The following PCDH9 variants were observed in gnomAD, a reference collection of about 807,000 sequenced individuals.
PCDH9 encodes protocadherin 9.
Under a neutral mutation model 70.6 loss-of-function variants are expected in PCDH9, and 24 were observed. That is an observed-to-expected ratio of 0.34 (90% CI 0.25 to 0.48). The LOEUF is 0.48. Ranked by LOEUF, PCDH9 falls within the 20% of genes least tolerant of loss-of-function variation. The probability of loss-of-function intolerance (pLI) is 0.99; values close to 1 mark genes in which losing one functional copy is unlikely to be tolerated. For synonymous variants in PCDH9, 562 were observed against 558.5 expected (o/e 1.01, Z -0.09); for missense variants, 1,281 against 1,503.6 (o/e 0.85, Z 2.45).
chr13:67,134,481 G>C (rs115764502), intron 2 of PCDH9, among the ~76,000 whole-genome samples: 79 of 152,174 alleles, frequency 5.2e-4, no homozygotes, highest in African/African-American at 1.8e-3. Context: ...ACGCAGCATT[G>C]AGATGACCCT....
At chr13:66,901,160 T>G (rs1269702051) in intron 3 of PCDH9, among the ~76,000 whole-genome samples, 1 of 151,766 alleles carries the variant, frequency 6.6e-6, no homozygotes, top group African/African-American at 2.4e-5. Context: ...TCTTCAAGTT[T>G]TATTTTATAA....
At chr13:67,004,420 A>T (rs988459894) in intron 2 of PCDH9, among the ~76,000 whole-genome samples, 2 of 151,904 alleles carry the variant, frequency 1.3e-5, no homozygotes, top group African/African-American at 4.8e-5. Context: ...AAAATCCAAA[A>T]ATTAGCCAGG....
intron 2 of PCDH9, among the ~76,000 whole-genome samples, chr13:67,052,217 A>T (rs1211099718): frequency 6.6e-6 from 1 of 152,162 alleles, no homozygotes; most frequent in Non-Finnish European, 1.5e-5. Flanking sequence ...TACAGTATAT[A>T]TAGCCAGGGG....
chr13:66,958,759 G>A (rs1271294003), intron 2 of PCDH9, among the ~76,000 whole-genome samples: 1 of 152,086 alleles, frequency 6.6e-6, no homozygotes, highest in African/African-American at 2.4e-5. Flanking sequence ...TTTAAGCTAA[G>A]TTAAACATAA....
At chr13:67,132,792 A>G (rs1357206003) in intron 2 of PCDH9, among the ~76,000 whole-genome samples, 3 of 152,102 alleles carry the variant, frequency 2.0e-5, no homozygotes, top group Non-Finnish European at 4.4e-5. Context: ...AATAAAATTC[A>G]AGAATTCAAT....
At chr13:66,696,225 C>A (rs372364279) in intron 3 of PCDH9, among the ~76,000 whole-genome samples, 2 of 152,118 alleles carry the variant, frequency 1.3e-5, no homozygotes, top group East Asian at 3.9e-4. Context: ...GGCTGTATCA[C>A]ACTAAAAAAA....
At chr13:66,823,577 T>A (rs940424085) in intron 3 of PCDH9, among the ~76,000 whole-genome samples, 4 of 152,034 alleles carry the variant, frequency 2.6e-5, no homozygotes, top group Non-Finnish European at 5.9e-5. Context: ...AAGATGATAA[T>A]TTGCAAATGG....
intron 3 of PCDH9, among the ~76,000 whole-genome samples, chr13:66,634,400 A>G (rs1245281659): frequency 1.3e-5 from 2 of 152,220 alleles, no homozygotes; most frequent in African/African-American, 4.8e-5. Context: ...GAACTGAATA[A>G]ATTGACATGC....
At chr13:66,817,568 A>C (rs1267198821) in intron 3 of PCDH9, among the ~76,000 whole-genome samples, 2 of 152,152 alleles carry the variant, frequency 1.3e-5, no homozygotes, top group Non-Finnish European at 2.9e-5. Flanking sequence ...TCTTAGTAAA[A>C]TCACCTTAGT....
At chr13:66,404,938 AT>A (rs1236220942) in intron 4 of PCDH9, among the ~76,000 whole-genome samples, 4 of 151,934 alleles carry the variant, frequency 2.6e-5, no homozygotes, top group African/African-American at 7.3e-5. Flanking sequence ...TCCTCTTTCC[AT>A]TTTTTTATTC....
chr13:67,226,302 T>C lies in PCDH9; in HGVS notation c.2139A>G (p.Leu713=), dbSNP rs1313473222. 2.5e-6 allele frequency: 4 copies of C among 1,614,164 alleles called. No homozygotes were observed. Among genetic ancestry groups the C allele is most frequent in the East Asian group, 2.2e-5 (1 of 44,878 alleles). ...VDVDTGMNAE[L]KYTIVSGNNK... ...TGTTTCCACTCACTATAGTATACTT[T>C]AGTTCAGCGTTCATTCCAGTGTCAA... Residue 713 remains leucine, a synonymous_variant, in exon 2 of 5, where the codon CTA becomes CTG. Transcript: ENST00000377865. This position sits in a 1 kb window ranked among gnomAD's most constrained non-coding sequence, Gnocchi z 5.0.
intron 2 of PCDH9, among the ~76,000 whole-genome samples, chr13:67,133,823 G>T (rs190682431): frequency 5.1e-4 from 78 of 152,180 alleles, no homozygotes; most frequent in African/African-American, 1.8e-3. Flanking sequence ...CAAAATCAAT[G>T]TTAGAATGAG....
intron 2 of PCDH9, among the ~76,000 whole-genome samples, chr13:67,087,216 A>T (rs1328655608): frequency 6.6e-6 from 1 of 151,912 alleles, no homozygotes; most frequent in Non-Finnish European, 1.5e-5. Context: ...ACTGTATAAC[A>T]CCTGGACAGC....
At chr13:66,958,304 G>A (rs1272137578) in intron 2 of PCDH9, among the ~76,000 whole-genome samples, 5 of 152,146 alleles carry the variant, frequency 3.3e-5, no homozygotes, top group South Asian at 2.1e-4. Flanking sequence ...TGAAAAACAC[G>A]GAATTCTATG....
At chr13:66,514,808 C>T (rs1959655306) in intron 4 of PCDH9, among the ~76,000 whole-genome samples, 1 of 152,066 alleles carries the variant, frequency 6.6e-6, no homozygotes, top group African/African-American at 2.4e-5. Context: ...TATACTGCAT[C>T]GTTCACACTT....
intron 2 of PCDH9, among the ~76,000 whole-genome samples, chr13:67,190,757 T>C (rs1235586503): frequency 6.6e-6 from 1 of 152,104 alleles, no homozygotes; most frequent in Non-Finnish European, 1.5e-5. Flanking sequence ...TTTTGAATAA[T>C]ATATTTTTAA....
chr13:67,225,228 G>T, intron 2 of PCDH9, 177 bp downstream of exon 2: 2 of 1,320,580 alleles, frequency 1.5e-6, no homozygotes, highest in Non-Finnish European at 2.0e-6. Context: ...AAATTTCAAA[G>T]CTGTTCTAAA....
intron 2 of PCDH9, among the ~76,000 whole-genome samples, chr13:66,937,577 T>TTCC (rs2082937445): frequency 6.6e-6 from 1 of 152,254 alleles, no homozygotes; most frequent in Non-Finnish European, 1.5e-5. Flanking sequence ...TACTCCGTAC[T>TTCC]TCCATATTTG....
intron 3 of PCDH9, among the ~76,000 whole-genome samples, chr13:66,695,317 T>G (rs1276199795): frequency 6.6e-6 from 1 of 152,224 alleles, no homozygotes; most frequent in East Asian, 1.9e-4. Context: ...CACTGTCTAT[T>G]TTCAATCCAG....
Sources: gnomAD v4.1 joint callset for allele counts (sites outside exome capture counted in the v4.1 genomes callset) on GRCh38, gnomAD v4.1.1 for gene constraint, Gnocchi (gnomAD v3.1) non-coding constraint, MANE v1.5 for transcripts, NCBI Gene and HGNC (gene_info 2026-07-23, HGNC 2026-07-21) for gene names.